Variants in ZFPM2 observed in about 807,000 individuals in gnomAD.
ZFPM2 encodes the protein zinc finger protein ZFPM2.
Under a neutral mutation model 98.6 loss-of-function variants are expected in ZFPM2, and 20 were observed. That is an observed-to-expected ratio of 0.20 (90% CI 0.14 to 0.29). The LOEUF (loss-of-function observed/expected upper bound fraction) is 0.29, where lower values mean the gene tolerates loss of function less well. Ranked by LOEUF, ZFPM2 falls within the 10% of genes least tolerant of loss-of-function variation. ZFPM2 has a pLI of 1.00. For missense variants in ZFPM2, 1,310 were observed against 1,388.6 expected (o/e 0.94, Z 0.90); for synonymous variants, 518 against 502.7 (o/e 1.03, Z -0.41).
intron 5 of ZFPM2, among the ~76,000 whole-genome samples, chr8:105,768,639 G>T (rs1812910123): frequency 6.6e-6 from 1 of 151,894 alleles, no homozygotes; most frequent in South Asian, 2.1e-4. Flanking sequence ...GCAGACTTGG[G>T]TTCCATTCAC....
intron 5 of ZFPM2, among the ~76,000 whole-genome samples, chr8:105,714,920 A>G (rs1474553232): frequency 6.6e-6 from 1 of 152,170 alleles, no homozygotes; most frequent in Non-Finnish European, 1.5e-5. Flanking sequence ...ATATTCCGAT[A>G]TCTGAAATTA....
chr8:105,526,803 T>C (rs1814183577), intron 3 of ZFPM2, among the ~76,000 whole-genome samples: 1 of 152,262 alleles, frequency 6.6e-6, no homozygotes, highest in South Asian at 2.1e-4. Flanking sequence ...ACAGTCCAAG[T>C]TGGGGTACAG....
rs545338891 is a variant in ZFPM2, at chr8:105,538,297, C to A, written c.302-23066C>A. Among the ~76,000 whole-genome samples, 3 of 152,130 alleles carry A rather than the reference C, an allele frequency of 2.0e-5. No individual in the cohort carries two copies. In the East Asian group the frequency reaches 5.8e-4, roughly 29 times the overall value. On this transcript the variant is annotated intron_variant, in intron 3 of 7. Transcript: ENST00000407775. Reference sequence around the variant, plus strand: ...ACTTTGAGGAAGAAAGAAACTATACCCCTAAGGTACCTAATAAGCCCTTGA... The same window carrying A: ...ACTTTGAGGAAGAAAGAAACTATACACCTAAGGTACCTAATAAGCCCTTGA...
At chr8:105,451,921 AAT>A (rs1812492168) in intron 3 of ZFPM2, among the ~76,000 whole-genome samples, 1 of 152,154 alleles carries the variant, frequency 6.6e-6, no homozygotes, top group African/African-American at 2.4e-5. Context: ...TGTTCACAAA[AAT>A]ATATTATTTC....
At chr8:105,329,234 C>A (rs1254712034) in intron 1 of ZFPM2, among the ~76,000 whole-genome samples, 1 of 151,784 alleles carries the variant, frequency 6.6e-6, no homozygotes, top group Non-Finnish European at 1.5e-5. Context: ...GAAGATGGGG[C>A]CTGGTAGGCA....
At chr8:105,524,497 TCTCTCA>T (rs1245315379) in intron 3 of ZFPM2, among the ~76,000 whole-genome samples, 5 of 151,752 alleles carry the variant, frequency 3.3e-5, no homozygotes, top group Non-Finnish European at 7.4e-5. Flanking sequence ...TCTCTCTCTC[TCTCTCA>T]CACACACACA....
rs142145699 is a variant in ZFPM2 at position 105,389,013 on chromosome 8, CGTGTGTGTGTGT to C, written c.41-30096_41-30085del. ...AAAACAAAACCACAGAATTTGATGA[CGTGTGTGTGTGT>C]GTGTGTGTGTGTGTGTGTGTGTGTG... is the stretch of plus-strand genomic sequence containing the variant. On this transcript the variant is annotated intron_variant, in intron 1 of 7. Coordinates refer to ENST00000407775, the MANE Select transcript of ZFPM2 (RefSeq NM_012082.4). Among the ~76,000 whole-genome samples the C allele has an allele frequency of 2.0e-3, 270 of 134,904 alleles. 1 individual carries two copies. Among genetic ancestry groups the C allele is most frequent in the Admixed American group, 4.8e-3 (65 of 13,408 alleles). The allele number at this position is 134,904 out of a possible 152,430, so 88.5% of individuals were successfully genotyped here.
At chr8:105,454,069 A>G (rs1333981778) in intron 3 of ZFPM2, among the ~76,000 whole-genome samples, 1 of 152,094 alleles carries the variant, frequency 6.6e-6, no homozygotes, top group East Asian at 1.9e-4. Context: ...ATCTCAAAAA[A>G]TTTCTCTAGG....
At chr8:105,731,994 A>G (rs1186143871) in intron 5 of ZFPM2, among the ~76,000 whole-genome samples, 2 of 151,782 alleles carry the variant, frequency 1.3e-5, no homozygotes, top group African/African-American at 4.8e-5. Flanking sequence ...AAGGTATACT[A>G]AATGAACTTT....
At position 105,497,400 on chromosome 8, in the gene ZFPM2, A is replaced by G. The variant is rs548824574; in HGVS notation, c.301+53019A>G. Among the ~76,000 whole-genome samples, 6 of 152,310 alleles carry G rather than the reference A, an allele frequency of 3.9e-5. No homozygotes were observed. In the East Asian group the frequency reaches 1.2e-3, roughly 29 times the overall value. On this transcript the variant is annotated intron_variant, in intron 3 of 7. Coordinates refer to ENST00000407775, the MANE Select transcript of ZFPM2 (RefSeq NM_012082.4). ...ACAAAAAACAAATGCAAGAACAAAA[A>G]CCTAAGCTTGAGTAACATGATATAT...
At chr8:105,490,021 G>T (rs1294931096) in intron 3 of ZFPM2, among the ~76,000 whole-genome samples, 1 of 151,948 alleles carries the variant, frequency 6.6e-6, no homozygotes, top group Non-Finnish European at 1.5e-5. Flanking sequence ...GGCCAAGGTG[G>T]GTGGATCACG....
rs1385222793 is a variant in ZFPM2 at position 105,664,062 on chromosome 8, G to A, written c.532+29705G>A. On this transcript the variant is annotated intron_variant, in intron 5 of 7. Transcript: ENST00000407775. ...AATGGAAAAGAGGAGTATTTTAATAGCCTTTTAAGATAATTGTGGATATTC... is the reference window on the plus strand; with the variant it reads ...AATGGAAAAGAGGAGTATTTTAATAACCTTTTAAGATAATTGTGGATATTC... Among the ~76,000 whole-genome samples, 5 of 152,288 alleles carry A rather than the reference G, an allele frequency of 3.3e-5. No homozygotes were observed. In the East Asian group the frequency reaches 7.7e-4, roughly 24 times the overall value.
intron 1 of ZFPM2, among the ~76,000 whole-genome samples, chr8:105,383,129 G>T (rs560539142): frequency 1.9e-3 from 288 of 152,224 alleles, no homozygotes; most frequent in African/African-American, 6.7e-3. Flanking sequence ...TTAAAGAAAA[G>T]ACAGGATTGT....
chr8:105,494,179 A>G (rs531562713), intron 3 of ZFPM2, among the ~76,000 whole-genome samples: 2 of 105,362 alleles, frequency 1.9e-5, no homozygotes, highest in Non-Finnish European at 3.7e-5. Flanking sequence ...AGCTGCCACC[A>G]AAAGTATATA....
At chr8:105,500,898 T>C (rs572032823) in intron 3 of ZFPM2, among the ~76,000 whole-genome samples, 2 of 152,318 alleles carry the variant, frequency 1.3e-5, no homozygotes, top group South Asian at 4.1e-4. Flanking sequence ...ATAAAGGTTA[T>C]TGAAATTGAA....
chr8:105,404,230 T>C (rs967947480), intron 1 of ZFPM2, among the ~76,000 whole-genome samples: 1 of 152,110 alleles, frequency 6.6e-6, no homozygotes, highest in Non-Finnish European at 1.5e-5. Context: ...TCCAGGAGGA[T>C]TTTTTAAGAG....
chr8:105,790,857 T>C (rs1248127198), intron 6 of ZFPM2, among the ~76,000 whole-genome samples: 4 of 152,302 alleles, frequency 2.6e-5, no homozygotes, highest in South Asian at 2.1e-4. Flanking sequence ...TTTGAAGCAA[T>C]TGTGAATGGG....
chr8:105,395,629 C>A (rs961441206), intron 1 of ZFPM2, among the ~76,000 whole-genome samples: 3 of 152,152 alleles, frequency 2.0e-5, no homozygotes, highest in Non-Finnish European at 4.4e-5. Flanking sequence ...TCCCCCCATA[C>A]AATGGTTTTA....
chr8:105,755,606 G>T (rs899678815), intron 5 of ZFPM2, among the ~76,000 whole-genome samples: 20 of 152,054 alleles, frequency 1.3e-4, no homozygotes, highest in Non-Finnish European at 2.9e-5. Context: ...ATTTCAATTA[G>T]CTCTAAAATA....
Sources: allele counts gnomAD v4.1 joint callset (sites outside exome capture counted in the v4.1 genomes callset), GRCh38; gene constraint gnomAD v4.1.1; transcripts MANE v1.5; gene names NCBI Gene and HGNC (gene_info 2026-07-23, HGNC 2026-07-21).